Variants in ACSM4 observed in about 807,000 individuals in gnomAD.
The protein encoded by ACSM4 is acyl-CoA synthetase medium chain family member 4, also known as acyl-coenzyme A synthetase ACSM4, mitochondrial.
Under a neutral mutation model 73.0 loss-of-function variants are expected in ACSM4, and 66 were observed. The observed-to-expected ratio is 0.90, with a 90% CI of 0.74 to 1.11. ACSM4 has a LOEUF of 1.11. Among genes scored for constraint, ACSM4 ranks in the 50% least tolerant of loss-of-function variants. The pLI is 0.00. For missense variants in ACSM4, 645 were observed against 714.4 expected (o/e 0.90, Z 1.11); for synonymous variants, 222 against 254.0 (o/e 0.87, Z 1.20).
chr12:7,312,804 A>G (rs1350882765), intron 3 of ACSM4, among the ~76,000 whole-genome samples: 2 of 152,196 alleles, frequency 1.3e-5, no homozygotes, highest in East Asian at 3.8e-4. Flanking sequence ...TAGTAATTAT[A>G]ACTGCTATCA....
chr12:7,326,391 G>C (rs758549995), intron 11 of ACSM4, among the ~76,000 whole-genome samples: 1 of 152,236 alleles, frequency 6.6e-6, no homozygotes, highest in African/African-American at 2.4e-5. Flanking sequence ...TTAAGTCTTT[G>C]TAGAGATGGG....
chr12:7,324,734 T>C (rs1275597139), intron 11 of ACSM4, 136 bp downstream of exon 11: 14 of 893,790 alleles, frequency 1.6e-5, no homozygotes, highest in Non-Finnish European at 2.2e-5. Flanking sequence ...AAAATATAAA[T>C]CAGGCAACCA....
In ACSM4 at chr12:7,322,542, G is replaced by C. The variant is rs1451021359; in HGVS notation, c.1125+1G>C. 1.9e-6 allele frequency: 3 copies of C among 1,612,854 alleles called. No homozygotes were observed. The highest frequency in any genetic ancestry group is 2.5e-6 in the Non-Finnish European group (3 of 1,179,520). ...TGAGGGCTATGGACAGACGGAAGTGGTATATCTAAAGGGCATTTATGTTTA... is the reference window on the plus strand; with the variant it reads ...TGAGGGCTATGGACAGACGGAAGTGCTATATCTAAAGGGCATTTATGTTTA... On this transcript the variant is annotated splice_donor_variant, in intron 7 of 12. Coordinates refer to ENST00000399422, the MANE Select transcript of ACSM4 (RefSeq NM_001080454.2). LOFTEE classifies it high-confidence loss of function.
intron 3 of ACSM4, among the ~76,000 whole-genome samples, chr12:7,314,645 A>C (rs1946408978): frequency 6.6e-6 from 1 of 152,192 alleles, no homozygotes; most frequent in Non-Finnish European, 1.5e-5. Context: ...GATAGATGAT[A>C]GATAGAGAGA....
In ACSM4 at chr12:7,326,987, T is replaced by C; in HGVS notation, c.1548T>C (p.Ala516=). 1.9e-6 allele frequency: 3 copies of C among 1,603,946 alleles called. No individual in the cohort carries two copies. The Middle Eastern group carries it at 5.1e-4, about 271-fold the overall frequency. Residue 516 remains alanine (A), a synonymous_variant, in exon 12 of 13, where the codon GCT becomes GCC. Coordinates refer to ENST00000399422, the MANE Select transcript of ACSM4 (RefSeq NM_001080454.2). ...PDQIRGEVVK[A]FVVLAAPFKS... ...CTTTTCTGTTGCAGGTGGTGAAAGC[T>C]TTTGTTGTCTTAGCTGCACCCTTTA...
intron 6 of ACSM4, among the ~76,000 whole-genome samples, chr12:7,321,735 C>T (rs1565755077): frequency 6.6e-6 from 1 of 152,224 alleles, no homozygotes; most frequent in Non-Finnish European, 1.5e-5. Flanking sequence ...TGGTTAAAAG[C>T]TAAGCTCCAA....
intron 3 of ACSM4, among the ~76,000 whole-genome samples, chr12:7,313,408 T>C (rs1946401814): frequency 6.6e-6 from 1 of 152,214 alleles, no homozygotes; most frequent in African/African-American, 2.4e-5. Flanking sequence ...AGCCGTCTCA[T>C]TGCCAACAGT....
intron 2 of ACSM4, among the ~76,000 whole-genome samples, chr12:7,309,294 C>T (rs188008270): frequency 6.6e-4 from 101 of 152,324 alleles, no homozygotes; most frequent in African/African-American, 2.3e-3. Context: ...GGCTCTGCCA[C>T]TCACCAGCTC....
Position 7,321,955 on chromosome 12 carries a change from C to T in ACSM4, c.1002-463C>T, listed in dbSNP as rs750872336. ...AGAGTTTCATGAGTATCAACTCAGT[C>T]CTTTATTACATGGAAGGCTTTCGGC... On this transcript the variant is annotated intron_variant, in intron 6 of 12. Transcript: ENST00000399422. 5.9e-5 allele frequency among the ~76,000 whole-genome samples: 9 copies of T among 152,306 alleles called. No individual in the cohort carries two copies. In the South Asian group the frequency reaches 1.7e-3, roughly 28 times the overall value.
chr12:7,316,026 T>C (rs1401147528), intron 3 of ACSM4, among the ~76,000 whole-genome samples: 1 of 152,176 alleles, frequency 6.6e-6, no homozygotes, highest in Non-Finnish European at 1.5e-5. Context: ...TGTGCCACAG[T>C]GTATTAATGA....
chr12:7,313,115 C>G (rs759893262), intron 3 of ACSM4, among the ~76,000 whole-genome samples: 1 of 152,164 alleles, frequency 6.6e-6, no homozygotes, highest in South Asian at 2.1e-4. Context: ...TCTTCTCTAC[C>G]CTAGTTGCCT....
At chr12:7,306,447 C>A in intron 1 of ACSM4, 86 bp from the exon 2 acceptor site, 1 of 1,327,836 alleles carries the variant, frequency 7.5e-7, no homozygotes, top group Non-Finnish European at 1.0e-6. Context: ...AGAACCAGTG[C>A]CAAAGGGGGA....
chr12:7,319,966 G>A (rs1346473038), intron 5 of ACSM4, among the ~76,000 whole-genome samples: 1 of 152,200 alleles, frequency 6.6e-6, no homozygotes, highest in Non-Finnish European at 1.5e-5. Flanking sequence ...ATTAGACTCT[G>A]CGGAGCAGAT....
intron 3 of ACSM4, among the ~76,000 whole-genome samples, chr12:7,313,384 A>C (rs1195593037): frequency 6.6e-6 from 1 of 152,206 alleles, no homozygotes; most frequent in African/African-American, 2.4e-5. Flanking sequence ...TTCTCTAAAA[A>C]CTAGGGAAGG....
chr12:7,318,039 T>A lies in ACSM4; in HGVS notation c.778T>A (p.Leu260Met), dbSNP rs985970784. 6 of 1,613,412 alleles carry A rather than the reference T, an allele frequency of 3.7e-6. No homozygotes were observed. Among genetic ancestry groups the A allele is most frequent in the Non-Finnish European group, 5.1e-6 (6 of 1,179,724 alleles). Residue 260 changes from leucine to methionine, a missense_variant, in exon 5 of 13, where the codon TTG (leucine) becomes ATG (methionine). Transcript: ENST00000399422. ...FTLCGRYWLD[L>M]KSSDIIWNMS... The stretch of plus-strand genomic sequence containing the variant: ...CATATCATTTAGGTATTGGCTGGAC[T>A]TGAAGTCCTCAGATATCATATGGAA...
At chr12:7,309,714 G>A (rs752849580) in intron 2 of ACSM4, among the ~76,000 whole-genome samples, 22 of 152,046 alleles carry the variant, frequency 1.4e-4, no homozygotes, top group Admixed American at 6.6e-4. Context: ...ATAATTTTTC[G>A]AATTTCTATT....
chr12:7,306,456 G>A, intron 1 of ACSM4, 77 bp from the exon 2 acceptor site: 1 of 1,401,502 alleles, frequency 7.1e-7, no homozygotes, highest in Non-Finnish European at 9.8e-7. Context: ...GCCAAAGGGG[G>A]AAAACAGCAG....
At position 7,306,523 on chromosome 12, in the gene ACSM4, C is replaced by T. The variant is rs1591841237; in HGVS notation, c.202-10C>T. The T allele has an allele frequency of 6.3e-7, 1 of 1,578,324 alleles. No individual in the cohort carries two copies. The highest frequency in any genetic ancestry group is 8.6e-7 in the Non-Finnish European group (1 of 1,162,268). On this transcript the variant is annotated splice_polypyrimidine_tract_variant and intron_variant, in intron 1 of 12. Coordinates refer to ENST00000399422, the MANE Select transcript of ACSM4 (RefSeq NM_001080454.2). The stretch of plus-strand genomic sequence containing the variant: ...ACCTACCCCTCTCTTTTCCATGTGT[C>T]CCTGGTCAGACAGGGGAGAGACCAG...
rs1946426577 is a variant in ACSM4 at position 7,317,163 on chromosome 12, T to C, written c.647T>C (p.Val216Ala). ...FQFASEEHSC[V>A]ETGSQEPMTI... ...TTCGCCTCTGAAGAGCACAGCTGTG[T>C]GGAAACAGGAAGTCAAGAACCAATG... Residue 216 changes from valine to alanine, a missense_variant, in exon 4 of 13, where the codon GTG (valine) becomes GCG (alanine). Physicochemically the swap from Val to Ala is moderately conservative, Grantham distance 64. Coordinates refer to ENST00000399422, the MANE Select transcript of ACSM4 (RefSeq NM_001080454.2). 1.9e-6 allele frequency: 3 copies of C among 1,612,938 alleles called. No homozygotes were observed. The highest frequency in any genetic ancestry group is 2.7e-5 in the African/African-American group (2 of 74,848).
Sources: gnomAD v4.1 joint callset for allele counts (sites outside exome capture counted in the v4.1 genomes callset) on GRCh38, gnomAD v4.1.1 for gene constraint, MANE v1.5 for transcripts, NCBI Gene and HGNC (gene_info 2026-07-23, HGNC 2026-07-21) for gene names.